TIMM50: variants seen among roughly 807,000 people sequenced by gnomAD.
TIMM50 encodes the protein translocase of inner mitochondrial membrane 50.
TIMM50 carries 34 observed loss-of-function variants against 49.6 expected under a neutral mutation model. The ratio of observed to expected loss-of-function variants is 0.69; its 90% CI spans 0.52 to 0.91. The LOEUF (loss-of-function observed/expected upper bound fraction) is 0.91, where lower values mean the gene tolerates loss of function less well. Ranked by LOEUF, TIMM50 falls within the 40% of genes least tolerant of loss-of-function variation. The pLI, the probability that TIMM50 is intolerant of heterozygous loss-of-function variation, is 0.00. For synonymous variants in TIMM50, 199 were observed against 198.4 expected, an observed-to-expected ratio of 1.00 and a Z score of -0.03; for missense variants, 458 against 477.8, an observed-to-expected ratio of 0.96 and a Z score of 0.39.
chr19:39,482,171 C>T (rs1476272425), intron 2 of TIMM50, 138 bp downstream of exon 2: 3 of 1,095,606 alleles, frequency 2.7e-6, no homozygotes, highest in Non-Finnish European at 3.9e-6. Flanking sequence ...CCAAATAAGA[C>T]ACCTACCTTG....
In TIMM50 at chr19:39,491,847, A is replaced by C. The variant is rs1183595291; in HGVS notation, c.*2027A>C. ...GTCTCAAAAAAAAAAAAAAAAAAAA[A>C]AAAACCTTAAGATTTTTTTTTGGAG... On this transcript the variant is annotated 3_prime_UTR_variant, in exon 11 of 11. Coordinates refer to ENST00000607714, the MANE Select transcript of TIMM50 (RefSeq NM_001001563.5). 1 of 151,322 alleles carries C rather than the reference A, an allele frequency of 6.6e-6. No homozygotes were observed. The highest frequency in any genetic ancestry group is 1.5e-5 in the Non-Finnish European group (1 of 67,900). 9.4% of individuals were successfully genotyped at this position (151,322 alleles called of 1,614,324 possible).
At position 39,489,714 on chromosome 19, in the gene TIMM50, C is replaced by A. The variant is rs758274664; in HGVS notation, c.961-5C>A. 1 of 1,602,982 alleles carries A rather than the reference C, an allele frequency of 6.2e-7. No homozygotes were observed. ...CCCTCTCCTCCAACTGTCCCCCTAC[C>A]CCAGGAGGAGCAGCAGCGCCTGGCC... On this transcript the variant is annotated splice_polypyrimidine_tract_variant and splice_region_variant and intron_variant, in intron 10 of 10. Coordinates refer to ENST00000607714, the MANE Select transcript of TIMM50 (RefSeq NM_001001563.5).
rs1044769895 is a variant in TIMM50 at position 39,488,213 on chromosome 19, C to T, written c.849C>T (p.Leu283=). 1.2e-6 allele frequency: 2 copies of T among 1,612,094 alleles called. No individual in the cohort carries two copies. The highest frequency in any genetic ancestry group is 2.7e-5 in the African/African-American group (2 of 74,904). ...TCTTGTTGGATCTGTCTGCCTTCCTCAAGAGTAAGGCTGACCCCTGATCCC... is the reference window on the plus strand; with the variant it reads ...TCTTGTTGGATCTGTCTGCCTTCCTTAAGAGTAAGGCTGACCCCTGATCCC... ...DRVLLDLSAF[L]KTIALNGVED... is the part of the protein sequence containing the mutation. The change falls in exon 9 of 11, where the codon CTC becomes CTT. Residue 283 remains leucine (L), a synonymous_variant. Transcript: ENST00000607714.
At chr19:39,482,978 CT>C (rs749099920) in intron 3 of TIMM50, 62 bp downstream of exon 3, 9 of 1,613,148 alleles carry the variant, frequency 5.6e-6, no homozygotes, top group South Asian at 5.5e-5. Context: ...GAGGGGTCCC[CT>C]TTGGTCTGTT....
chr19:39,488,014 G>T, intron 8 of TIMM50, 47 bp from the exon 9 acceptor site: 2 of 1,575,414 alleles, frequency 1.3e-6, no homozygotes, highest in Non-Finnish European at 1.7e-6. Flanking sequence ...TCTTGATGGG[G>T]GGAGAGTTGG....
chr19:39,485,374 C>G (rs989866353), intron 4 of TIMM50, 170 bp from the exon 5 acceptor site: 1 of 683,010 alleles, frequency 1.5e-6, no homozygotes, highest in African/African-American at 1.8e-5. Flanking sequence ...ATCTGTGTTC[C>G]TATCTGGCGG....
intron 8 of TIMM50, 119 bp downstream of exon 8, chr19:39,486,614 C>T: frequency 1.1e-6 from 1 of 912,688 alleles, no homozygotes; most frequent in Non-Finnish European, 1.7e-6. Context: ...AGATTCGATT[C>T]CTGCTGGCAG....
rs890773562 is a variant in TIMM50, at chr19:39,486,158, G to A, written c.493-29G>A. 2.5e-6 allele frequency: 4 copies of A among 1,608,012 alleles called. No homozygotes were observed. In the African/African-American group the frequency reaches 4.0e-5, roughly 16 times the overall value. ...GGACTCTGAGGACCTCTGGGTCTTG[G>A]TGTTTCACTGTCCTCACTGTCTTCC... On this transcript the variant is annotated intron_variant, in intron 6 of 10. Transcript: ENST00000607714.
intron 9 of TIMM50, 35 bp downstream of exon 9, chr19:39,488,252 C>G (rs1223347267): frequency 1.3e-6 from 2 of 1,585,940 alleles, no homozygotes; most frequent in Admixed American, 1.7e-5. Flanking sequence ...GCCTCTGACC[C>G]CAGAGCCCCT....
intron 8 of TIMM50, among the ~76,000 whole-genome samples, chr19:39,487,569 T>G (rs979011401): frequency 1.3e-5 from 2 of 151,996 alleles, no homozygotes; most frequent in East Asian, 3.9e-4. Context: ...GCGATTCTCT[T>G]TCCTCAGCCT....
In TIMM50 at chr19:39,488,176, CTG is replaced by C; in HGVS notation, c.813_814del (p.Asp272Ter). 6.2e-7 allele frequency: 1 copy of C among 1,613,970 alleles called. No individual in the cohort carries two copies. The highest frequency in any genetic ancestry group is 8.5e-7 in the Non-Finnish European group (1 of 1,179,856). ...GCCCTGCGGCCCTGGGACGGCAACT[CTG>C]ATGACCGGGTCTTGTTGGATCTGTC... On this transcript the variant is annotated frameshift_variant, in exon 9 of 11. Coordinates refer to ENST00000607714, the MANE Select transcript of TIMM50 (RefSeq NM_001001563.5). LOFTEE classifies it high-confidence loss of function.
chr19:39,480,951 C>T lies in TIMM50; in HGVS notation c.98C>T (p.Ala33Val). The change falls in exon 1 of 11, where the codon GCC (alanine) becomes GTC (valine). Residue 33 changes from alanine (A) to valine (V), a missense_variant. Physicochemically the swap from Ala to Val is moderately conservative, Grantham distance 64 (BLOSUM62 0). Transcript: ENST00000607714. ...CTRLATPPRR[A>V]PDQAAEIGSR... ...AGGTTGGCGACGCCGCCCCGCCGGG[C>T]CCCAGATCAGGTGAGCGGAACGAGG... 1 of 1,583,982 alleles carries T rather than the reference C, an allele frequency of 6.3e-7. No individual in the cohort carries two copies. Among genetic ancestry groups the T allele is most frequent in the Non-Finnish European group, 8.5e-7 (1 of 1,173,470 alleles).
At chr19:39,484,626 G>T (rs1433473052) in intron 4 of TIMM50, among the ~76,000 whole-genome samples, 3 of 152,118 alleles carry the variant, frequency 2.0e-5, no homozygotes, top group East Asian at 1.9e-4. Flanking sequence ...CCCAGGGGTA[G>T]GCAGATAGAC....
chr19:39,482,822 C>A, intron 2 of TIMM50, 63 bp from the exon 3 acceptor site: 1 of 1,607,448 alleles, frequency 6.2e-7, no homozygotes, highest in South Asian at 1.1e-5. Context: ...TTATCCCACT[C>A]CTCCCTCGGG....
intron 2 of TIMM50, 70 bp downstream of exon 2, chr19:39,482,103 C>G (rs2079476589): frequency 6.4e-7 from 1 of 1,560,264 alleles, no homozygotes; most frequent in Admixed American, 1.8e-5. Flanking sequence ...ACCTCCCACT[C>G]TTGCCCACTA....
Position 39,485,549 on chromosome 19 carries a change from A to C in TIMM50, c.319A>C (p.Ile107Leu). 1 of 1,614,076 alleles carries C rather than the reference A, an allele frequency of 6.2e-7. No individual in the cohort carries two copies. Among genetic ancestry groups the C allele is most frequent in the Non-Finnish European group, 8.5e-7 (1 of 1,180,028 alleles). ...KIPDEFDNDP[I>L]LVQQLRRTYK... is the part of the protein sequence containing the mutation. ...TGTGCCTGGTGTTCTCCTAGATCCAATTCTGGTACAGCAGTTGCGCCGGAC... is the reference window on the plus strand; with the variant it reads ...TGTGCCTGGTGTTCTCCTAGATCCACTTCTGGTACAGCAGTTGCGCCGGAC... The change falls in exon 5 of 11, where the codon ATT becomes CTT. Residue 107 changes from isoleucine (I) to leucine (L), a missense_variant. Transcript: ENST00000607714.
Position 39,492,551 on chromosome 19 carries a change from G to A in TIMM50, c.*2731G>A, listed in dbSNP as rs2079552694. On this transcript the variant is annotated 3_prime_UTR_variant, in exon 11 of 11. Transcript: ENST00000607714. ...TATTCCCAGGTGCTTGCTGTTACCA[G>A]GCCATATGGGTTATTCACAGATTGA... 6.6e-6 allele frequency: 1 copy of A among 151,930 alleles called. No individual in the cohort carries two copies. Among genetic ancestry groups the A allele is most frequent in the Non-Finnish European group, 1.5e-5 (1 of 68,018 alleles). The allele number at this position is 151,930 out of a possible 1,614,324, so 9.4% of individuals were successfully genotyped here. A position where few individuals can be genotyped will look rare whatever the true frequency, so the allele number is the denominator to read the frequency against.
In TIMM50 at chr19:39,482,126, G is replaced by A. The variant is rs62120691; in HGVS notation, c.259+93G>A. On this transcript the variant is annotated intron_variant, in intron 2 of 10. Transcript: ENST00000607714. The stretch of plus-strand genomic sequence containing the variant: ...CTCTTGCCCACTACCAGCTTCTCTC[G>A]TCTTCATTCCCTGGCTCCTTCCTCA... 559,542 of 1,491,792 alleles carry A rather than the reference G, an allele frequency of 0.38. 108,984 individuals are homozygous for A. Among genetic ancestry groups the A allele is most frequent in the African/African-American group, 0.59 (42,559 of 71,610 alleles). 92.4% of individuals were successfully genotyped at this position (1,491,792 alleles called of 1,614,324 possible). A position where few individuals can be genotyped will look rare whatever the true frequency, so the allele number is the denominator to read the frequency against.
chr19:39,481,747 C>T (rs575043194), intron 1 of TIMM50, 136 bp from the exon 2 acceptor site: 8 of 1,155,788 alleles, frequency 6.9e-6, no homozygotes, highest in African/African-American at 1.5e-5. Flanking sequence ...CTGACTGCTA[C>T]TCCAGGGACA....
Sources: gnomAD v4.1 joint callset for allele counts (sites outside exome capture counted in the v4.1 genomes callset) on GRCh38, gnomAD v4.1.1 for gene constraint, MANE v1.5 for transcripts, NCBI Gene and HGNC (gene_info 2026-07-23, HGNC 2026-07-21) for gene names.